The following OTC variants were observed in gnomAD, a reference collection of about 807,000 sequenced individuals.
OTC encodes the protein ornithine transcarbamylase, mitochondrial.
A neutral mutation model predicts 30.3 loss-of-function variants in OTC; 3 were observed. The observed-to-expected ratio is 0.10, with a 90% CI of 0.05 to 0.26. OTC has a LOEUF of 0.26. Ranked by LOEUF, OTC falls within the 10% of genes least tolerant of loss-of-function variation. OTC has a pLI of 1.00. For synonymous variants in OTC, 111 were observed against 99.7 expected (o/e 1.11, Z -0.67); for missense variants, 194 against 260.3 (o/e 0.75, Z 1.75).
intron 1 of OTC, among the ~76,000 whole-genome samples, chrX:38,358,958 C>T (rs1488303534): frequency 1.8e-5 from 2 of 111,163 alleles, no homozygotes; most frequent in African/African-American, 6.5e-5. Flanking sequence ...TCTAGTTAAT[C>T]ACTCAAGCCC....
intron 3 of OTC, among the ~76,000 whole-genome samples, chrX:38,372,270 C>T (rs1188592412): frequency 5.4e-5 from 6 of 111,726 alleles, no homozygotes; most frequent in African/African-American, 1.9e-4. Flanking sequence ...TGTGTTATCT[C>T]ACTCAATCCT....
chrX:38,370,002 T>G, intron 3 of OTC, 125 bp downstream of exon 3: 4 of 473,972 alleles, frequency 8.4e-6, no homozygotes, highest in Non-Finnish European at 1.5e-5. Flanking sequence ...TCATTTTTAC[T>G]GGGAGCAGCA....
chrX:38,333,363 A>G, the OTC span, among the ~76,000 whole-genome samples: 1 of 111,556 alleles, frequency 9.0e-6, no homozygotes, highest in African/African-American at 3.3e-5. Context: ...GCCAGTGGAC[A>G]TTCAGTGAGT....
the OTC span, among the ~76,000 whole-genome samples, chrX:38,343,697 A>G: frequency 1.8e-5 from 2 of 112,525 alleles, no homozygotes; most frequent in Non-Finnish European, 3.7e-5. Flanking sequence ...CTTAAAATCA[A>G]TAACTTCCAG....
chrX:38,368,573 A>T (rs1042941660), intron 2 of OTC, among the ~76,000 whole-genome samples: 1 of 108,619 alleles, frequency 9.2e-6, no homozygotes, highest in African/African-American at 3.4e-5. Context: ...CTGCATTTTG[A>T]GCAATTTATC....
chrX:38,332,259 A>G, the OTC span, among the ~76,000 whole-genome samples: 1 of 109,201 alleles, frequency 9.2e-6, no homozygotes, highest in Non-Finnish European at 1.9e-5. Flanking sequence ...TGTATATAAC[A>G]TAATGTATAC....
At chrX:38,380,731 TA>T (rs1335631080) in intron 3 of OTC, among the ~76,000 whole-genome samples, 4 of 111,924 alleles carry the variant, frequency 3.6e-5, no homozygotes, top group Non-Finnish European at 7.5e-5. Flanking sequence ...TATTTTATTT[TA>T]TTTTTTATTT....
chrX:38,415,509 G>A (rs2068566383), intron 9 of OTC, among the ~76,000 whole-genome samples: 1 of 111,306 alleles, frequency 9.0e-6, no homozygotes, highest in Admixed American at 9.6e-5. Context: ...TAGCCAGTAG[G>A]CACATATGGC....
intron 4 of OTC, among the ~76,000 whole-genome samples, chrX:38,400,604 G>C (rs2068480672): frequency 8.9e-6 from 1 of 112,326 alleles, no homozygotes; most frequent in Admixed American, 9.4e-5. Context: ...CTCTGAGAAA[G>C]TCTCAGCCAG....
At chrX:38,410,012 T>A (rs2068535054) in intron 8 of OTC, among the ~76,000 whole-genome samples, 1 of 111,358 alleles carries the variant, frequency 9.0e-6, no homozygotes, top group Non-Finnish European at 1.9e-5. Context: ...ACTATTGATT[T>A]TTTTGTAAAT....
chrX:38,331,327 C>T, the OTC span, among the ~76,000 whole-genome samples: 4 of 106,731 alleles, frequency 3.7e-5, no homozygotes, highest in African/African-American at 6.9e-5. Context: ...GATCTCGGCT[C>T]ACTGCAACCT....
chrX:38,340,059 A>T, the OTC span, among the ~76,000 whole-genome samples: 4 of 112,437 alleles, frequency 3.6e-5, no homozygotes, highest in African/African-American at 9.7e-5. Context: ...TTGTCAAATC[A>T]AAGGGCAGTG....
chrX:38,341,522 A>C, the OTC span, among the ~76,000 whole-genome samples: 158 of 112,168 alleles, frequency 1.4e-3, 1 homozygote, highest in African/African-American at 5.0e-3. Context: ...TGTTGCTTTG[A>C]ATAAACAGAC....
At chrX:38,333,169 C>T in the OTC span, among the ~76,000 whole-genome samples, 4 of 102,275 alleles carry the variant, frequency 3.9e-5, no homozygotes, top group Non-Finnish European at 7.9e-5. Context: ...GAGCCGAGAT[C>T]GCACCACTGC....
At chrX:38,333,751 A>G in the OTC span, among the ~76,000 whole-genome samples, 2,215 of 112,539 alleles carry the variant, frequency 0.02, 52 homozygotes, top group African/African-American at 0.066. Flanking sequence ...CAAGGCTTGC[A>G]ATTTTAAGTA....
chrX:38,337,205 C>T, the OTC span, among the ~76,000 whole-genome samples: 1 of 112,370 alleles, frequency 8.9e-6, no homozygotes, highest in Non-Finnish European at 1.9e-5. Flanking sequence ...GATACCTAAC[C>T]TTCATTGAAG....
At chrX:38,344,181 A>G in the OTC span, among the ~76,000 whole-genome samples, 7 of 109,655 alleles carry the variant, frequency 6.4e-5, no homozygotes, top group African/African-American at 1.0e-4. Context: ...AAAAAATAAA[A>G]AATAAAGTAA....
chrX:38,360,254 G>A (rs751796235), intron 1 of OTC, among the ~76,000 whole-genome samples: 1 of 110,672 alleles, frequency 9.0e-6, no homozygotes, highest in Non-Finnish European at 1.9e-5. Context: ...ATTTACTTTT[G>A]CCCTAATGAC....
intron 1 of OTC, among the ~76,000 whole-genome samples, chrX:38,353,987 TAG>T (rs1248368643): frequency 8.9e-6 from 1 of 111,999 alleles, no homozygotes; most frequent in Non-Finnish European, 1.9e-5. Flanking sequence ...TTTAAAGAAC[TAG>T]GTTCAAGGCC....
Sources: allele counts gnomAD v4.1 joint callset (sites outside exome capture counted in the v4.1 genomes callset), GRCh38; gene constraint gnomAD v4.1.1; transcripts MANE v1.5; gene names NCBI Gene and HGNC (gene_info 2026-07-23, HGNC 2026-07-21).